Variants in TMEFF2 observed in about 807,000 individuals in gnomAD.
TMEFF2 encodes the protein tomoregulin-2.
In TMEFF2, 28 loss-of-function variants were observed where a neutral mutation model predicts 53.8. The ratio of observed to expected loss-of-function variants is 0.52; its 90% CI spans 0.39 to 0.71. The LOEUF is 0.71. Ranked by LOEUF, TMEFF2 falls within the 30% of genes least tolerant of loss-of-function variation. The probability of loss-of-function intolerance (pLI) is 0.00; values close to 1 mark genes in which losing one functional copy is unlikely to be tolerated. For missense variants in TMEFF2, 353 were observed against 455.2 expected (o/e 0.78, Z 2.04); for synonymous variants, 162 against 166.3 (o/e 0.97, Z 0.20).
intron 4 of TMEFF2, among the ~76,000 whole-genome samples, chr2:192,068,739 ATCTAAG>A (rs1249132798): frequency 6.6e-6 from 1 of 151,888 alleles, no homozygotes; most frequent in East Asian, 1.9e-4. Flanking sequence ...AACACTATCC[ATCTAAG>A]TCTAACTTCT....
chr2:192,118,644 A>G (rs1448442230), intron 4 of TMEFF2, among the ~76,000 whole-genome samples: 1 of 152,214 alleles, frequency 6.6e-6, no homozygotes, highest in Non-Finnish European at 1.5e-5. Flanking sequence ...GGCAGTTTTC[A>G]GCTTTTAAAA....
At position 191,949,666 on chromosome 2, in the gene TMEFF2, G is replaced by GTT. The variant is rs541255208; in HGVS notation, c.*643_*644dup. On this transcript the variant is annotated 3_prime_UTR_variant, in exon 10 of 10. Coordinates refer to ENST00000272771, the MANE Select transcript of TMEFF2 (RefSeq NM_016192.4). The stretch of plus-strand genomic sequence containing the variant: ...TATTTTCTTTCCCTCTCCTTTATGA[G>GTT]TTATAAAACACTTTCCCTCCCCTTC... 4,953 of 985,240 alleles carry GTT rather than the reference G, an allele frequency of 5.0e-3. 7 individuals are homozygous for GTT. The highest frequency in any genetic ancestry group is 5.4e-3 in the Non-Finnish European group (4,513 of 829,874). 61.0% of individuals were successfully genotyped at this position (985,240 alleles called of 1,614,324 possible). A position where few individuals can be genotyped will look rare whatever the true frequency, so the allele number is the denominator to read the frequency against.
chr2:192,169,496 A>G (rs1259957741), intron 4 of TMEFF2, among the ~76,000 whole-genome samples: 1 of 152,082 alleles, frequency 6.6e-6, no homozygotes, highest in African/African-American at 2.4e-5. Flanking sequence ...TCCTGTTGGG[A>G]AGACTAATTT....
At chr2:192,132,944 C>T (rs985964990) in intron 4 of TMEFF2, among the ~76,000 whole-genome samples, 1 of 152,168 alleles carries the variant, frequency 6.6e-6, no homozygotes, top group Non-Finnish European at 1.5e-5. Context: ...CGCCAAGCTT[C>T]GAGTAACTCT....
chr2:192,056,386 G>T (rs1236208249), intron 5 of TMEFF2, among the ~76,000 whole-genome samples: 2 of 151,988 alleles, frequency 1.3e-5, no homozygotes, highest in East Asian at 3.9e-4. Flanking sequence ...AGAAGAAGAG[G>T]AAGTGGAAGA....
At chr2:192,024,981 C>T (rs1035611267) in intron 5 of TMEFF2, among the ~76,000 whole-genome samples, 22 of 151,946 alleles carry the variant, frequency 1.4e-4, no homozygotes, top group African/African-American at 4.6e-4. Flanking sequence ...CAGAGAGGCC[C>T]GAACAAAGAG....
intron 5 of TMEFF2, among the ~76,000 whole-genome samples, chr2:192,050,508 G>C (rs1268759805): frequency 6.6e-6 from 1 of 151,900 alleles, no homozygotes; most frequent in Non-Finnish European, 1.5e-5. Context: ...GTGGTTAGTT[G>C]TTGTTGGTGG....
chr2:192,178,579 A>T (rs1159511005), intron 4 of TMEFF2: 2 of 151,104 alleles, frequency 1.3e-5, no homozygotes, highest in Non-Finnish European at 3.0e-5. Context: ...ATGAAAAAAA[A>T]ATTGTGCTCC....
chr2:192,016,283 TTGG>T (rs1197856592), intron 5 of TMEFF2, among the ~76,000 whole-genome samples: 1 of 152,250 alleles, frequency 6.6e-6, no homozygotes, highest in Non-Finnish European at 1.5e-5. Flanking sequence ...GTCTAATTAA[TTGG>T]TGAATACATG....
intron 5 of TMEFF2, among the ~76,000 whole-genome samples, chr2:192,010,602 G>T (rs1321282300): frequency 6.6e-6 from 1 of 152,022 alleles, no homozygotes. Flanking sequence ...CATAAGTGTA[G>T]CTGAGCACCT....
In TMEFF2 at chr2:192,165,677, C is replaced by T. The variant is rs532275918; in HGVS notation, c.439+13991G>A. Among the ~76,000 whole-genome samples the T allele has an allele frequency of 3.9e-5, 6 of 152,054 alleles. No individual in the cohort carries two copies. The East Asian group carries it at 1.2e-3, about 29-fold the overall frequency. ...TACTTTCCCATCCACTCCCTTTCCT[C>T]TCCAATAACCCCAGGGAACAGTAGG... On this transcript the variant is annotated intron_variant, in intron 4 of 9. Transcript: ENST00000272771.
chr2:192,137,164 C>G (rs1690030593), intron 4 of TMEFF2, among the ~76,000 whole-genome samples: 1 of 152,126 alleles, frequency 6.6e-6, no homozygotes, highest in Non-Finnish European at 1.5e-5. Context: ...TTTCTGTGCT[C>G]CTTTGGTGCT....
At chr2:192,046,604 C>T (rs1687628507) in intron 5 of TMEFF2, among the ~76,000 whole-genome samples, 1 of 152,066 alleles carries the variant, frequency 6.6e-6, no homozygotes, top group South Asian at 2.1e-4. Context: ...AAATTTTTTG[C>T]TTCCTATTCC....
intron 4 of TMEFF2, among the ~76,000 whole-genome samples, chr2:192,107,062 T>C (rs922601649): frequency 6.6e-6 from 1 of 151,674 alleles, no homozygotes; most frequent in Non-Finnish European, 1.5e-5. Flanking sequence ...TGATGAGTAA[T>C]AGTGAAATAT....
rs1264049445 is a variant in TMEFF2, at chr2:191,956,372, G to C, written c.752C>G (p.Ala251Gly). The C allele has an allele frequency of 6.2e-7, 1 of 1,613,200 alleles. No individual in the cohort carries two copies. The highest frequency in any genetic ancestry group is 8.5e-7 in the Non-Finnish European group (1 of 1,179,692). ...TCTGGCACTTTCTTCTAATTTGTTA[G>C]CATTCTCTGTGAATACAGATAAAAG... ...HYARTDYAEN[A>G]NKLEESAREH... Residue 251 changes from alanine (A) to glycine (G), a missense_variant, in exon 8 of 10, where the codon GCT becomes GGT. Ala to Gly is a moderately conservative substitution (Grantham distance 60). Transcript: ENST00000272771.
chr2:192,076,517 C>T (rs1193581079), intron 4 of TMEFF2, among the ~76,000 whole-genome samples: 2 of 152,146 alleles, frequency 1.3e-5, no homozygotes, highest in Non-Finnish European at 2.9e-5. Context: ...TTACTAAACA[C>T]GTAAGTGGCA....
rs369865463 is a variant in TMEFF2, at chr2:191,968,350, C to T, written c.746-11972G>A. ...AGGAAAGAAGACAAATAGAGGAAAA[C>T]AATTGGAGGCAAAATTACTATTTGT... On this transcript the variant is annotated intron_variant, in intron 7 of 9. Transcript: ENST00000272771. Among the ~76,000 whole-genome samples the T allele has an allele frequency of 2.0e-5, 3 of 152,082 alleles. No individual in the cohort carries two copies. In the East Asian group the frequency reaches 5.8e-4, roughly 29 times the overall value.
At chr2:192,027,847 T>A (rs1687010187) in intron 5 of TMEFF2, 2 of 152,228 alleles carry the variant, frequency 1.3e-5, no homozygotes, top group Non-Finnish European at 2.9e-5. Context: ...GTCTGCCTCC[T>A]CCCCTTGCCA....
Position 192,088,742 on chromosome 2 carries a change from GTTTCT to G in TMEFF2, c.440-30972_440-30968del, listed in dbSNP as rs1688721296. Among the ~76,000 whole-genome samples, 6 of 151,954 alleles carry G rather than the reference GTTTCT, an allele frequency of 3.9e-5. No individual in the cohort carries two copies. The South Asian group carries it at 1.3e-3, about 32-fold the overall frequency. ...ATGCTATTCCTTTTGCCTAAAATTG[GTTTCT>G]TTTCTTCTGCCATCCCTAAATGTCC... is the stretch of plus-strand genomic sequence containing the variant. On this transcript the variant is annotated intron_variant, in intron 4 of 9. Coordinates refer to ENST00000272771, the MANE Select transcript of TMEFF2 (RefSeq NM_016192.4).
Sources: gnomAD v4.1 joint callset for allele counts (sites outside exome capture counted in the v4.1 genomes callset) on GRCh38, gnomAD v4.1.1 for gene constraint, MANE v1.5 for transcripts, NCBI Gene and HGNC (gene_info 2026-07-23, HGNC 2026-07-21) for gene names.